CLEC9A: variants seen among roughly 807,000 people sequenced by gnomAD.
CLEC9A encodes the protein C-type lectin domain containing 9A.
A neutral mutation model predicts 30.0 loss-of-function variants in CLEC9A; 24 were observed. The ratio of observed to expected loss-of-function variants is 0.80; its 90% CI spans 0.58 to 1.13. The LOEUF (loss-of-function observed/expected upper bound fraction) is 1.13. CLEC9A is among the 50% of genes most tolerant of loss of function. CLEC9A has a pLI of 0.00. For missense variants in CLEC9A, 251 were observed against 280.9 expected (o/e 0.89, Z 0.76); for synonymous variants, 111 against 96.8 (o/e 1.15, Z -0.86).
intron 1 of CLEC9A, among the ~76,000 whole-genome samples, chr12:10,034,400 C>T (rs1297828886): frequency 2.6e-5 from 4 of 152,208 alleles, no homozygotes; most frequent in African/African-American, 9.7e-5. Flanking sequence ...CAGGGTCTGC[C>T]TCCAGCCTGT....
intron 4 of CLEC9A, among the ~76,000 whole-genome samples, chr12:10,053,191 C>T (rs894054734): frequency 6.6e-6 from 1 of 152,154 alleles, no homozygotes; most frequent in Non-Finnish European, 1.5e-5. Context: ...GTGATTAGTT[C>T]TGTCTGTATC....
intron 1 of CLEC9A, among the ~76,000 whole-genome samples, chr12:10,032,556 A>G (rs1045533303): frequency 3.3e-5 from 5 of 151,790 alleles, no homozygotes; most frequent in African/African-American, 1.2e-4. Flanking sequence ...AAGCCTGGCT[A>G]ATTTTTTTTT....
At chr12:10,053,349 G>A (rs1474402401) in intron 4 of CLEC9A, among the ~76,000 whole-genome samples, 1 of 152,198 alleles carries the variant, frequency 6.6e-6, no homozygotes. Context: ...TGTTGGCAGG[G>A]ATCGAGTGGA....
chr12:10,047,272 C>T (rs1347471750), intron 2 of CLEC9A, among the ~76,000 whole-genome samples: 1 of 152,152 alleles, frequency 6.6e-6, no homozygotes, highest in Non-Finnish European at 1.5e-5. Flanking sequence ...TTAGCCATAA[C>T]TTTGGCTTTT....
At chr12:10,040,847 G>A (rs1865789113) in intron 1 of CLEC9A, 1 of 186,590 alleles carries the variant, frequency 5.4e-6, no homozygotes, top group Non-Finnish European at 1.1e-5. Context: ...TTTACATCTA[G>A]CTGTCATGCA....
intron 1 of CLEC9A, among the ~76,000 whole-genome samples, chr12:10,034,249 T>C (rs1352195040): frequency 1.3e-5 from 2 of 152,192 alleles, no homozygotes; most frequent in East Asian, 1.9e-4. Context: ...TAAAAGCATA[T>C]AGAAAGAGCA....
In CLEC9A at chr12:10,064,725, C is replaced by CTT. The variant is rs386375582; in HGVS notation, c.472-6_472-5insTT. ...TCTCATTTCACAGTTCAATTTTTGTCTCATAGGATTTTATCACTGGCAGCT... is the reference window on the plus strand; with the variant it reads ...TCTCATTTCACAGTTCAATTTTTGTCTTTCATAGGATTTTATCACTGGCAGCT... On this transcript the variant is annotated splice_region_variant and splice_polypyrimidine_tract_variant and intron_variant, in intron 7 of 8. Transcript: ENST00000355819. 4.8e-6 allele frequency: 7 copies of CTT among 1,468,942 alleles called. No individual in the cohort carries two copies. Among genetic ancestry groups the CTT allele is most frequent in the East Asian group, 2.5e-5 (1 of 39,416 alleles). 91.0% of individuals were successfully genotyped at this position (1,468,942 alleles called of 1,614,324 possible). A position where few individuals can be genotyped will look rare whatever the true frequency, so the allele number is the denominator to read the frequency against.
chr12:10,041,449 G>A lies in CLEC9A; in HGVS notation c.-317-17G>A. On this transcript the variant is annotated splice_polypyrimidine_tract_variant and intron_variant, in intron 1 of 8. Transcript: ENST00000355819. Reference sequence around the variant, plus strand: ...ATTTAAAAACAACAACAACATTCCTGTGCTTGGTTTCTCCAGGTGACTATA... The same window carrying A: ...ATTTAAAAACAACAACAACATTCCTATGCTTGGTTTCTCCAGGTGACTATA... 2.5e-6 allele frequency: 1 copy of A among 394,978 alleles called. No individual in the cohort carries two copies. The highest frequency in any genetic ancestry group is 5.0e-6 in the Non-Finnish European group (1 of 201,384). 24.5% of individuals were successfully genotyped at this position (394,978 alleles called of 1,614,324 possible). A position where few individuals can be genotyped will look rare whatever the true frequency, so the allele number is the denominator to read the frequency against.
chr12:10,061,082 A>T lies in CLEC9A; in HGVS notation c.173-45A>T. 6.3e-7 allele frequency: 1 copy of T among 1,595,196 alleles called. No individual in the cohort carries two copies. The highest frequency in any genetic ancestry group is 1.2e-5 in the South Asian group (1 of 86,916). ...GTCTGTGTTGAAGGATTATTTTGCTATAAAATGTCAGGATTTTATTAGGAA... is the reference window on the plus strand; with the variant it reads ...GTCTGTGTTGAAGGATTATTTTGCTTTAAAATGTCAGGATTTTATTAGGAA... On this transcript the variant is annotated intron_variant, in intron 5 of 8. Coordinates refer to ENST00000355819, the MANE Select transcript of CLEC9A (RefSeq NM_207345.4).
rs898420102 is a variant in CLEC9A at position 10,065,886 on chromosome 12, C to T, written c.*254C>T. 6.0e-6 allele frequency: 2 copies of T among 335,100 alleles called. No individual in the cohort carries two copies. The highest frequency in any genetic ancestry group is 2.1e-5 in the African/African-American group (1 of 46,988). The allele number at this position is 335,100 out of a possible 1,614,324, so 20.8% of individuals were successfully genotyped here. A position where few individuals can be genotyped will look rare whatever the true frequency, so the allele number is the denominator to read the frequency against. On this transcript the variant is annotated 3_prime_UTR_variant, in exon 9 of 9. Transcript: ENST00000355819. ...AAAACCCTGAAGAGTTAAGAACAAA[C>T]GCAAGGAAATAATTTTTATTGTTTA...
At chr12:10,064,881 A>G (rs1866029924) in intron 8 of CLEC9A, 28 bp downstream of exon 8, 1 of 1,597,900 alleles carries the variant, frequency 6.3e-7, no homozygotes, top group African/African-American at 1.4e-5. Flanking sequence ...ATGCTACAAG[A>G]AAAGTTAGAA....
intron 2 of CLEC9A, 133 bp from the exon 3 acceptor site, chr12:10,051,858 T>A (rs996269665): frequency 2.0e-5 from 3 of 152,146 alleles, no homozygotes; most frequent in African/African-American, 7.2e-5. Flanking sequence ...AGGCAAAAAA[T>A]ACATTTTTCA....
rs1167945783 is a variant in CLEC9A at position 10,065,480 on chromosome 12, A to G, written c.594-20A>G. The G allele has an allele frequency of 2.5e-6, 4 of 1,613,376 alleles. No homozygotes were observed. Among genetic ancestry groups the G allele is most frequent in the Non-Finnish European group, 3.4e-6 (4 of 1,179,578 alleles). The stretch of plus-strand genomic sequence containing the variant: ...GAAACTCCCAAGTCTAACCTCAGAA[A>G]TGTTGACTTGCTTTTCCAGGTTGCC... On this transcript the variant is annotated intron_variant, in intron 8 of 8. Coordinates refer to ENST00000355819, the MANE Select transcript of CLEC9A (RefSeq NM_207345.4).
intron 1 of CLEC9A, among the ~76,000 whole-genome samples, chr12:10,039,868 C>G (rs1399166967): frequency 4.3e-4 from 1 of 2,344 alleles, no homozygotes; most frequent in Non-Finnish European, 0.028. Flanking sequence ...TTCACCCAGG[C>G]TGGAGTTGCA....
At chr12:10,047,425 C>T (rs1362334153) in intron 2 of CLEC9A, among the ~76,000 whole-genome samples, 2 of 152,046 alleles carry the variant, frequency 1.3e-5, no homozygotes, top group Non-Finnish European at 2.9e-5. Flanking sequence ...AGATTTTTTT[C>T]CTGGTATTCA....
chr12:10,056,995 AT>A (rs1358207263), intron 5 of CLEC9A, among the ~76,000 whole-genome samples: 2 of 152,114 alleles, frequency 1.3e-5, no homozygotes, highest in Non-Finnish European at 2.9e-5. Context: ...GTGACTATTA[AT>A]TTTTATTGTT....
rs1367221367 is a variant in CLEC9A at position 10,065,518 on chromosome 12, C to G, written c.612C>G (p.Ser204=). The change falls in exon 9 of 9, where the codon TCC becomes TCG. Residue 204 remains serine (S), a synonymous_variant. Transcript: ENST00000355819. ...TTTCCAGGTTGCCAGCAGAGAGATC[C>G]CAGTCAGCTAACCAAGTCTGTGGAT... ...PSPGLLPAER[S]QSANQVCGYV... 1.9e-6 allele frequency: 3 copies of G among 1,613,752 alleles called. No individual in the cohort carries two copies. Among genetic ancestry groups the G allele is most frequent in the Non-Finnish European group, 2.5e-6 (3 of 1,179,806 alleles).
At chr12:10,056,058 CAAAAAAAA>C (rs58274495) in intron 5 of CLEC9A, among the ~76,000 whole-genome samples, 1 of 47,524 alleles carries the variant, frequency 2.1e-5, no homozygotes, top group African/African-American at 9.8e-5. Context: ...GACTCTGTCT[CAAAAAAAA>C]AAAAAAAAAA....
At chr12:10,057,427 G>A (rs1399458483) in intron 5 of CLEC9A, among the ~76,000 whole-genome samples, 1 of 151,760 alleles carries the variant, frequency 6.6e-6, no homozygotes, top group Non-Finnish European at 1.5e-5. Context: ...ATCATAACAT[G>A]AACATAATGA....
Sources: allele counts gnomAD v4.1 joint callset (sites outside exome capture counted in the v4.1 genomes callset), GRCh38; gene constraint gnomAD v4.1.1; transcripts MANE v1.5; gene names NCBI Gene and HGNC (gene_info 2026-07-23, HGNC 2026-07-21).